Variants in KCNH5 observed in about 807,000 individuals in gnomAD.
The protein encoded by KCNH5 is voltage-gated delayed rectifier potassium channel KCNH5.
Under a neutral mutation model 96.1 loss-of-function variants are expected in KCNH5, and 46 were observed. That is an observed-to-expected ratio of 0.48 (90% CI 0.38 to 0.61). KCNH5 has a LOEUF of 0.61. Among genes scored for constraint, KCNH5 ranks in the 20% least tolerant of loss-of-function variants. KCNH5 has a pLI of 0.00. For synonymous variants in KCNH5, 439 were observed against 449.8 expected (o/e 0.98, Z 0.30); for missense variants, 907 against 1,225.8 (o/e 0.74, Z 3.88).
At chr14:62,838,436 A>T (rs1396375901) in intron 8 of KCNH5, among the ~76,000 whole-genome samples, 3 of 152,142 alleles carry the variant, frequency 2.0e-5, no homozygotes, top group Non-Finnish European at 4.4e-5. Flanking sequence ...TAAGCCCATC[A>T]TGCCCCATCT....
At chr14:62,732,942 C>G (rs78681360) in intron 10 of KCNH5, among the ~76,000 whole-genome samples, 1,533 of 152,072 alleles carry the variant, frequency 0.01, 21 homozygotes, top group African/African-American at 0.035. Context: ...TCTCATCTCT[C>G]TCTCTCCTTC....
At chr14:62,779,945 CA>C (rs1200633068) in intron 9 of KCNH5, 21 bp from the exon 10 acceptor site, 6 of 1,585,884 alleles carry the variant, frequency 3.8e-6, no homozygotes, top group Non-Finnish European at 5.2e-6. Context: ...GTATAAGATA[CA>C]TATTCAAGTA....
chr14:62,812,402 T>C (rs916076375), intron 8 of KCNH5, among the ~76,000 whole-genome samples: 1 of 152,168 alleles, frequency 6.6e-6, no homozygotes, highest in Non-Finnish European at 1.5e-5. Context: ...CACTGTTAAG[T>C]TGTTATATCA....
At chr14:63,020,129 C>T (rs912572648) in intron 1 of KCNH5, among the ~76,000 whole-genome samples, 20 of 152,114 alleles carry the variant, frequency 1.3e-4, no homozygotes, top group African/African-American at 4.8e-4. Flanking sequence ...CGATATACTG[C>T]TGCTCAATTA....
chr14:62,795,375 T>TA, intron 9 of KCNH5, among the ~76,000 whole-genome samples: 1 of 152,208 alleles, frequency 6.6e-6, no homozygotes, highest in East Asian at 1.9e-4. Context: ...ATATTTGGGG[T>TA]AAAAAATGGA....
At chr14:62,877,131 G>T (rs1040542460) in intron 7 of KCNH5, among the ~76,000 whole-genome samples, 7 of 152,016 alleles carry the variant, frequency 4.6e-5, no homozygotes, top group African/African-American at 1.7e-4. Flanking sequence ...TGGGAAAACT[G>T]GCTAGCCATA....
intron 7 of KCNH5, among the ~76,000 whole-genome samples, chr14:62,926,440 A>C (rs1037225823): frequency 6.6e-5 from 10 of 152,152 alleles, no homozygotes; most frequent in African/African-American, 2.4e-4. Context: ...ATGCACACGC[A>C]TACATAAAAT....
intron 4 of KCNH5, among the ~76,000 whole-genome samples, chr14:62,998,433 T>C (rs748489669): frequency 6.6e-6 from 1 of 152,220 alleles, no homozygotes; most frequent in African/African-American, 2.4e-5. Context: ...TTCTCTAATG[T>C]TGTCCTGTTG....
At chr14:63,040,509 A>G (rs61995096) in intron 1 of KCNH5, among the ~76,000 whole-genome samples, 15,243 of 152,174 alleles carry the variant, frequency 0.1, 1,030 homozygotes, top group East Asian at 0.36. Context: ...AGACCTGAGT[A>G]AACCAGTGCT....
chr14:62,826,382 TTG>T (rs145393431), intron 8 of KCNH5, among the ~76,000 whole-genome samples: 21 of 141,588 alleles, frequency 1.5e-4, no homozygotes, highest in South Asian at 9.4e-4. Flanking sequence ...TGTTGAGATT[TTG>T]TGTGTGTGTG....
chr14:62,878,211 G>T lies in KCNH5; in HGVS notation c.1370-28359C>A, dbSNP rs55815740. Among the ~76,000 whole-genome samples the T allele has an allele frequency of 4.4e-3, 653 of 148,998 alleles. 23 individuals carry two copies. The highest frequency in any genetic ancestry group is 0.016 in the African/African-American group (634 of 39,888). On this transcript the variant is annotated intron_variant, in intron 7 of 10. Transcript: ENST00000322893. Reference sequence around the variant, plus strand: ...GGACTGTTGTGGGGATGGGGGGGGGGGCGGAGGGATAGCATTAGGAGATAT... The same window carrying T: ...GGACTGTTGTGGGGATGGGGGGGGGTGCGGAGGGATAGCATTAGGAGATAT...
intron 4 of KCNH5, among the ~76,000 whole-genome samples, chr14:62,989,608 T>C (rs1890773307): frequency 6.6e-6 from 1 of 152,032 alleles, no homozygotes; most frequent in Non-Finnish European, 1.5e-5. Flanking sequence ...GGTGCCCTCC[T>C]CTGTACACGC....
At chr14:62,816,912 C>T (rs550908380) in intron 8 of KCNH5, among the ~76,000 whole-genome samples, 1 of 150,518 alleles carries the variant, frequency 6.6e-6, no homozygotes, top group African/African-American at 2.4e-5. Context: ...TTCTTCCTGA[C>T]CAAATATGCA....
intron 9 of KCNH5, among the ~76,000 whole-genome samples, chr14:62,790,959 T>C (rs1886421867): frequency 6.6e-6 from 1 of 151,822 alleles, no homozygotes; most frequent in Admixed American, 6.6e-5. Flanking sequence ...TTTAAATGCC[T>C]TTCATTTATT....
At chr14:62,918,164 G>A (rs573540589) in intron 7 of KCNH5, among the ~76,000 whole-genome samples, 2 of 152,090 alleles carry the variant, frequency 1.3e-5, no homozygotes, top group East Asian at 1.9e-4. Flanking sequence ...TAATGTTAAA[G>A]TATTAATTGA....
At chr14:63,008,278 C>T (rs895127651) in intron 2 of KCNH5, among the ~76,000 whole-genome samples, 1 of 152,044 alleles carries the variant, frequency 6.6e-6, no homozygotes, top group African/African-American at 2.4e-5. Context: ...AGATTACAAA[C>T]AGAGCCTCGA....
chr14:62,820,584 T>C (rs1005699196), intron 8 of KCNH5, among the ~76,000 whole-genome samples: 1 of 152,156 alleles, frequency 6.6e-6, no homozygotes, highest in African/African-American at 2.4e-5. Flanking sequence ...AGTGAGAACA[T>C]GCAGTATTTG....
In KCNH5 at chr14:62,893,736, C is replaced by T. The variant is rs1294111864; in HGVS notation, c.1370-43884G>A. Among the ~76,000 whole-genome samples, 2 of 138,922 alleles carry T rather than the reference C, an allele frequency of 1.4e-5. 1 individual carries two copies. The highest frequency in any genetic ancestry group is 1.4e-4 in the Admixed American group (2 of 14,198). 91.1% of individuals were successfully genotyped at this position (138,922 alleles called of 152,430 possible). A position where few individuals can be genotyped will look rare whatever the true frequency, so the allele number is the denominator to read the frequency against. On this transcript the variant is annotated intron_variant, in intron 7 of 10. Transcript: ENST00000322893. ...CTGCACTTCAGCCTGGGCGACAGAG[C>T]GAGACTCCAACTCAAAAAAAAGAAT...
At chr14:62,806,399 G>A (rs750936930) in intron 8 of KCNH5, among the ~76,000 whole-genome samples, 34 of 152,044 alleles carry the variant, frequency 2.2e-4, no homozygotes, top group African/African-American at 5.6e-4. Flanking sequence ...GGTCTGGATC[G>A]GGACCTCTTT....
Sources: allele counts gnomAD v4.1 joint callset (sites outside exome capture counted in the v4.1 genomes callset), GRCh38; gene constraint gnomAD v4.1.1; transcripts MANE v1.5; gene names NCBI Gene and HGNC (gene_info 2026-07-23, HGNC 2026-07-21).